The following GTF2A2 variants were observed in gnomAD, a reference collection of about 807,000 sequenced individuals.
The protein encoded by GTF2A2 is transcription initiation factor IIA subunit 2.
GTF2A2 carries 9 observed loss-of-function variants against 14.3 expected under a neutral mutation model. That is an observed-to-expected ratio of 0.63 (90% CI 0.38 to 1.10). The LOEUF is 1.10. Among genes scored for constraint, GTF2A2 ranks in the 50% least tolerant of loss-of-function variants. The probability of loss-of-function intolerance (pLI) is 0.01; values close to 1 mark genes in which losing one functional copy is unlikely to be tolerated. For missense variants in GTF2A2, 90 were observed against 124.6 expected (o/e 0.72, Z 1.32); for synonymous variants, 56 against 46.0 (o/e 1.22, Z -0.88).
At chr15:59,641,582 A>G (rs1351655089) in intron 4 of GTF2A2, among the ~76,000 whole-genome samples, 1 of 150,546 alleles carries the variant, frequency 6.6e-6, no homozygotes, top group Non-Finnish European at 1.5e-5. Flanking sequence ...AAGGAAATAA[A>G]CTAATCATGA....
chr15:59,644,830 A>C (rs1428709832), intron 3 of GTF2A2, among the ~76,000 whole-genome samples: 1 of 152,230 alleles, frequency 6.6e-6, no homozygotes, highest in Admixed American at 6.5e-5. Flanking sequence ...AGAACCTTGG[A>C]AAACCTTTGC....
At chr15:59,654,213 T>G (rs1891876424) in intron 1 of GTF2A2, among the ~76,000 whole-genome samples, 1 of 152,172 alleles carries the variant, frequency 6.6e-6, no homozygotes, top group African/African-American at 2.4e-5. Flanking sequence ...AAGGCCTATG[T>G]GATTTGGGCC....
intron 3 of GTF2A2, among the ~76,000 whole-genome samples, chr15:59,645,740 G>A (rs748038451): frequency 4.6e-5 from 7 of 152,114 alleles, no homozygotes; most frequent in Admixed American, 4.6e-4. Flanking sequence ...GATCTTAAGA[G>A]TGTGTATATT....
rs74019659 is a variant in GTF2A2, at chr15:59,655,927, C to T, written c.-50+1479G>A. Among the ~76,000 whole-genome samples, 511 of 152,296 alleles carry T rather than the reference C, an allele frequency of 3.4e-3. 1 individual carries two copies. The highest frequency in any genetic ancestry group is 0.012 in the African/African-American group (498 of 41,558). ...ATCCAACCACTTCTCACCATCCCTACGGTTATCACCCTGACCTGGGCCACT... is the reference window on the plus strand; with the variant it reads ...ATCCAACCACTTCTCACCATCCCTATGGTTATCACCCTGACCTGGGCCACT... On this transcript the variant is annotated intron_variant, in intron 1 of 4. Transcript: ENST00000396060.
chr15:59,639,280 T>G (rs1595664852), intron 4 of GTF2A2, 123 bp from the exon 5 acceptor site: 1 of 701,402 alleles, frequency 1.4e-6, no homozygotes, highest in South Asian at 1.5e-5. Flanking sequence ...GCTTGCAGGG[T>G]GGGGAAGAAC....
At chr15:59,643,102 C>G (rs1251994069) in intron 3 of GTF2A2, among the ~76,000 whole-genome samples, 1 of 101,556 alleles carries the variant, frequency 9.8e-6, no homozygotes, top group African/African-American at 3.9e-5. Flanking sequence ...TTTTTTGAGA[C>G]AGAGTCTCAC....
At chr15:59,650,057 T>G (rs538982144) in intron 3 of GTF2A2, among the ~76,000 whole-genome samples, 100 of 152,362 alleles carry the variant, frequency 6.6e-4, no homozygotes, top group Non-Finnish European at 1.2e-3. Flanking sequence ...TAAAATTATT[T>G]CTGTTGCACC....
Position 59,650,774 on chromosome 15 carries a change from C to T in GTF2A2, c.73-1G>A. Reference sequence around the variant, plus strand: ...CAAGTTGGGGGGTGATCTGTTGAGACTGAGAAAAGGTAAAGGTCATAAATC... The same window carrying T: ...CAAGTTGGGGGGTGATCTGTTGAGATTGAGAAAAGGTAAAGGTCATAAATC... On this transcript the variant is annotated splice_acceptor_variant, in intron 2 of 4. Coordinates refer to ENST00000396060, the MANE Select transcript of GTF2A2 (RefSeq NM_004492.3). LOFTEE classifies it high-confidence loss of function. 1 of 1,541,626 alleles carries T rather than the reference C, an allele frequency of 6.5e-7. No homozygotes were observed. The highest frequency in any genetic ancestry group is 9.0e-7 in the Non-Finnish European group (1 of 1,115,204).
intron 3 of GTF2A2, among the ~76,000 whole-genome samples, chr15:59,648,960 A>C (rs1052428699): frequency 1.3e-5 from 2 of 152,010 alleles, no homozygotes; most frequent in Admixed American, 6.5e-5. Flanking sequence ...AACAAACAAA[A>C]AAAACTATAA....
chr15:59,655,634 C>T (rs926714874), intron 1 of GTF2A2, among the ~76,000 whole-genome samples: 1 of 152,220 alleles, frequency 6.6e-6, no homozygotes, highest in Admixed American at 6.5e-5. Context: ...TCCGTCTACA[C>T]CCATTCCTTA....
intron 3 of GTF2A2, among the ~76,000 whole-genome samples, chr15:59,647,729 C>A (rs1477416347): frequency 6.6e-6 from 1 of 152,040 alleles, no homozygotes; most frequent in East Asian, 1.9e-4. Context: ...CAGGCATGCA[C>A]CACCATGCCC....
intron 4 of GTF2A2, among the ~76,000 whole-genome samples, chr15:59,641,264 CA>C (rs1205363257): frequency 6.7e-6 from 1 of 148,386 alleles, no homozygotes; most frequent in African/African-American, 2.5e-5. Context: ...TACATTTTTG[CA>C]AAAAAAAGTT....
intron 4 of GTF2A2, 59 bp from the exon 5 acceptor site, chr15:59,639,216 A>T: frequency 2.9e-6 from 3 of 1,031,828 alleles, no homozygotes; most frequent in Non-Finnish European, 4.6e-6. Flanking sequence ...TAATTTTACA[A>T]TTAACTATTT....
At chr15:59,648,880 G>A (rs1891701852) in intron 3 of GTF2A2, among the ~76,000 whole-genome samples, 1 of 152,050 alleles carries the variant, frequency 6.6e-6, no homozygotes, top group African/African-American at 2.4e-5. Flanking sequence ...CTTGCAGTGA[G>A]CCAAGATCTC....
In GTF2A2 at chr15:59,648,231, A is replaced by G. The variant is rs140966166; in HGVS notation, c.177+2438T>C. Among the ~76,000 whole-genome samples the G allele has an allele frequency of 4.5e-3, 686 of 151,964 alleles. 9 individuals carry two copies. Among genetic ancestry groups the G allele is most frequent in the African/African-American group, 0.015 (638 of 41,438 alleles). On this transcript the variant is annotated intron_variant, in intron 3 of 4. Transcript: ENST00000396060. ...AGACCAGCCTGGCCAACATAGTGAA[A>G]TCCCATCTCTTACTAAAAATACAAA...
intron 3 of GTF2A2, among the ~76,000 whole-genome samples, chr15:59,643,567 A>G (rs1391852150): frequency 1.4e-5 from 2 of 147,678 alleles, no homozygotes; most frequent in Non-Finnish European, 3.0e-5. Flanking sequence ...GAATATATAT[A>G]TACTTGAGCA....
chr15:59,656,549 T>C (rs764226883), intron 1 of GTF2A2, among the ~76,000 whole-genome samples: 21 of 151,984 alleles, frequency 1.4e-4, no homozygotes, highest in African/African-American at 2.7e-4. Flanking sequence ...TTAAGTAAAA[T>C]AGGCGTCTAG....
chr15:59,641,398 AATCCGAC>A (rs1891422122), intron 4 of GTF2A2, among the ~76,000 whole-genome samples: 3 of 152,172 alleles, frequency 2.0e-5, no homozygotes, highest in Non-Finnish European at 4.4e-5. Context: ...ATATAAAACA[AATCCGAC>A]TCAAACAGGG....
At chr15:59,642,109 T>C (rs113175335) in intron 4 of GTF2A2, 27 bp downstream of exon 4, 1 of 1,583,398 alleles carries the variant, frequency 6.3e-7, no homozygotes. Flanking sequence ...TTCAAGTAGC[T>C]TTCACAGAAA....
Sources: gnomAD v4.1 joint callset for allele counts (sites outside exome capture counted in the v4.1 genomes callset) on GRCh38, gnomAD v4.1.1 for gene constraint, MANE v1.5 for transcripts, NCBI Gene and HGNC (gene_info 2026-07-23, HGNC 2026-07-21) for gene names.